KCNIP4: variants seen among roughly 807,000 people sequenced by gnomAD.
KCNIP4 encodes the protein Kv channel-interacting protein 4.
Under a neutral mutation model 34.0 loss-of-function variants are expected in KCNIP4, and 12 were observed. That is an observed-to-expected ratio of 0.35 (90% CI 0.23 to 0.57). The LOEUF is 0.57. Among genes scored for constraint, KCNIP4 ranks in the 20% least tolerant of loss-of-function variants. The probability of loss-of-function intolerance (pLI) is 0.83; values close to 1 mark genes in which losing one functional copy is unlikely to be tolerated. For synonymous variants in KCNIP4, 124 were observed against 102.2 expected (o/e 1.21, Z -1.29); for missense variants, 238 against 311.7 (o/e 0.76, Z 1.78).
chr4:20,935,884 C>T (rs1375803704), intron 1 of KCNIP4, among the ~76,000 whole-genome samples: 1 of 151,458 alleles, frequency 6.6e-6, no homozygotes. Flanking sequence ...GTTTCAGCTG[C>T]CATCATCATC....
chr4:21,743,987 C>T (rs1716600628), intron 1 of KCNIP4, among the ~76,000 whole-genome samples: 1 of 151,872 alleles, frequency 6.6e-6, no homozygotes, highest in South Asian at 2.1e-4. Context: ...AGTAAATCCA[C>T]GGAACAGAAA....
At chr4:21,169,660 T>TAG (rs1553948469) in intron 1 of KCNIP4, among the ~76,000 whole-genome samples, 1 of 136,208 alleles carries the variant, frequency 7.3e-6, no homozygotes, top group Non-Finnish European at 1.6e-5. Flanking sequence ...TACTTTATAT[T>TAG]TGTGTGTGTG....
Position 21,578,888 on chromosome 4 carries a change from C to T in KCNIP4, c.61+369683G>A, listed in dbSNP as rs564140455. 2.6e-5 allele frequency among the ~76,000 whole-genome samples: 4 copies of T among 152,256 alleles called. No homozygotes were observed. In the South Asian group the frequency reaches 6.2e-4, roughly 24 times the overall value. On this transcript the variant is annotated intron_variant, in intron 1 of 8. Transcript: ENST00000382152. ...TCTTAAAGTACATTTGTCTTGCATACGGATTTTAGAGACCAATTGTTTTGC... is the reference window on the plus strand; with the variant it reads ...TCTTAAAGTACATTTGTCTTGCATATGGATTTTAGAGACCAATTGTTTTGC...
chr4:21,343,843 A>T (rs1419067302), intron 1 of KCNIP4, among the ~76,000 whole-genome samples: 1 of 152,146 alleles, frequency 6.6e-6, no homozygotes, highest in Non-Finnish European at 1.5e-5. Flanking sequence ...TGCCAGTTAT[A>T]GTTCCAAGGG....
intron 1 of KCNIP4, among the ~76,000 whole-genome samples, chr4:21,216,714 G>T (rs1343414855): frequency 1.3e-5 from 2 of 152,112 alleles, no homozygotes; most frequent in East Asian, 3.9e-4. Flanking sequence ...GAGTCACCAT[G>T]CTATCTAGTG....
chr4:21,029,353 G>C (rs2149760984), intron 1 of KCNIP4, among the ~76,000 whole-genome samples: 1 of 152,244 alleles, frequency 6.6e-6, no homozygotes, highest in South Asian at 2.1e-4. Context: ...AGATTGCTCT[G>C]AGCAGTAGAA....
At chr4:21,635,657 G>A (rs1056734227) in intron 1 of KCNIP4, among the ~76,000 whole-genome samples, 97 of 152,168 alleles carry the variant, frequency 6.4e-4, no homozygotes, top group Non-Finnish European at 1.2e-3. Flanking sequence ...TGGAGAGGAT[G>A]TGGAGAAATA....
At chr4:20,975,317 T>A (rs963531822) in intron 1 of KCNIP4, among the ~76,000 whole-genome samples, 4 of 152,222 alleles carry the variant, frequency 2.6e-5, no homozygotes, top group South Asian at 4.1e-4. Flanking sequence ...AATGTAATTT[T>A]AAAAATTAAA....
chr4:21,819,767 A>T (rs1010112304), intron 1 of KCNIP4, among the ~76,000 whole-genome samples: 1 of 152,162 alleles, frequency 6.6e-6, no homozygotes. Flanking sequence ...TTTTGAAAAT[A>T]TCACATAAAA....
At chr4:21,732,224 A>C (rs1715659576) in intron 1 of KCNIP4, among the ~76,000 whole-genome samples, 1 of 152,002 alleles carries the variant, frequency 6.6e-6, no homozygotes, top group African/African-American at 2.4e-5. Context: ...CCCTTTATAA[A>C]TTATATTAGA....
intron 1 of KCNIP4, among the ~76,000 whole-genome samples, chr4:21,070,827 T>C (rs866222132): frequency 4.0e-5 from 6 of 151,338 alleles, no homozygotes; most frequent in African/African-American, 1.5e-4. Context: ...AGGCGCCGGC[T>C]ACCATGCACG....
intron 4 of KCNIP4, among the ~76,000 whole-genome samples, chr4:20,756,767 T>C (rs985188872): frequency 6.6e-6 from 1 of 152,212 alleles, no homozygotes; most frequent in East Asian, 1.9e-4. Flanking sequence ...GACTTCATCA[T>C]TTCATTTCTG....
chr4:21,473,693 G>C (rs1469948601), intron 1 of KCNIP4, among the ~76,000 whole-genome samples: 3 of 151,462 alleles, frequency 2.0e-5, no homozygotes, highest in Non-Finnish European at 4.4e-5. Flanking sequence ...CTTGTGGGGA[G>C]CAACACAGAA....
chr4:20,924,724 A>G (rs1477520727), intron 1 of KCNIP4, among the ~76,000 whole-genome samples: 4 of 152,188 alleles, frequency 2.6e-5, no homozygotes, highest in Admixed American at 2.6e-4. Flanking sequence ...TCCACAATTT[A>G]TCATCTTTTA....
intron 1 of KCNIP4, among the ~76,000 whole-genome samples, chr4:21,193,761 C>T (rs933638055): frequency 1.3e-4 from 20 of 151,854 alleles, no homozygotes; most frequent in Admixed American, 8.5e-4. Flanking sequence ...TTAGTAGAGA[C>T]GGGGTTTCAC....
At chr4:21,872,273 C>T (rs1030956756) in intron 1 of KCNIP4, among the ~76,000 whole-genome samples, 2 of 152,128 alleles carry the variant, frequency 1.3e-5, no homozygotes, top group Non-Finnish European at 2.9e-5. Context: ...TCACAGGCCC[C>T]CTGAGAAACG....
intron 5 of KCNIP4, among the ~76,000 whole-genome samples, chr4:20,745,860 G>A (rs1419295039): frequency 1.3e-5 from 2 of 152,138 alleles, no homozygotes; most frequent in African/African-American, 2.4e-5. Context: ...GCATTTGCAT[G>A]TAGTTGCCTT....
At chr4:20,865,672 GAGAT>G (rs1722808274) in intron 2 of KCNIP4, among the ~76,000 whole-genome samples, 1 of 152,020 alleles carries the variant, frequency 6.6e-6, no homozygotes, top group South Asian at 2.1e-4. Flanking sequence ...TGAATACACA[GAGAT>G]AGAGAATAAA....
At chr4:21,143,521 T>A (rs1752125410) in intron 1 of KCNIP4, among the ~76,000 whole-genome samples, 1 of 152,136 alleles carries the variant, frequency 6.6e-6, no homozygotes, top group South Asian at 2.1e-4. Flanking sequence ...ACCTTGATTT[T>A]GGCCTTATGA....
Sources: allele counts gnomAD v4.1 joint callset (sites outside exome capture counted in the v4.1 genomes callset), GRCh38; gene constraint gnomAD v4.1.1; transcripts MANE v1.5; gene names NCBI Gene and HGNC (gene_info 2026-07-23, HGNC 2026-07-21).